Variants in CPQ observed in about 807,000 individuals in gnomAD.
CPQ encodes the protein carboxypeptidase Q.
Under a neutral mutation model 45.7 loss-of-function variants are expected in CPQ, and 37 were observed. The observed-to-expected ratio is 0.81, with a 90% CI of 0.62 to 1.07. The LOEUF (loss-of-function observed/expected upper bound fraction) is 1.07, where lower values mean the gene tolerates loss of function less well. Among genes scored for constraint, CPQ ranks in the 50% least tolerant of loss-of-function variants. The probability of loss-of-function intolerance (pLI) is 0.00; values close to 1 mark genes in which losing one functional copy is unlikely to be tolerated. For missense variants in CPQ, 537 were observed against 572.9 expected, an observed-to-expected ratio of 0.94 and a Z score of 0.64; for synonymous variants, 186 against 205.8, an observed-to-expected ratio of 0.90 and a Z score of 0.82.
intron 5 of CPQ, among the ~76,000 whole-genome samples, chr8:97,003,356 T>TTG (rs1809319058): frequency 6.6e-6 from 1 of 152,208 alleles, no homozygotes; most frequent in Non-Finnish European, 1.5e-5. Flanking sequence ...GTGTCACTGG[T>TTG]CTGTGTATTT....
At chr8:97,116,991 T>C (rs1811605943) in intron 7 of CPQ, among the ~76,000 whole-genome samples, 1 of 152,236 alleles carries the variant, frequency 6.6e-6, no homozygotes, top group Admixed American at 6.5e-5. Flanking sequence ...TGCCTTCAGC[T>C]AAGTGCTTTC....
At chr8:96,906,812 T>C (rs904668218) in intron 4 of CPQ, among the ~76,000 whole-genome samples, 1 of 152,144 alleles carries the variant, frequency 6.6e-6, no homozygotes, top group Non-Finnish European at 1.5e-5. Flanking sequence ...CTGCTTCCTG[T>C]CACATCACAT....
chr8:97,133,432 C>T (rs1384548278), intron 7 of CPQ: 1 of 152,090 alleles, frequency 6.6e-6, no homozygotes, highest in African/African-American at 2.4e-5. Flanking sequence ...TTGCAAGAAG[C>T]ATATGAACGT....
chr8:96,837,278 A>G (rs1811542601), intron 3 of CPQ, among the ~76,000 whole-genome samples: 1 of 152,198 alleles, frequency 6.6e-6, no homozygotes, highest in Non-Finnish European at 1.5e-5. Context: ...TCCTACCTCT[A>G]ATTCCTCACC....
At chr8:96,652,012 T>C (rs1346308956) in intron 1 of CPQ, among the ~76,000 whole-genome samples, 1 of 152,210 alleles carries the variant, frequency 6.6e-6, no homozygotes, top group Non-Finnish European at 1.5e-5. Context: ...TCTTAGCAAT[T>C]TTGAAATATA....
intron 2 of CPQ, among the ~76,000 whole-genome samples, chr8:96,790,230 G>C (rs1586401958): frequency 6.6e-6 from 1 of 152,104 alleles, no homozygotes; most frequent in East Asian, 1.9e-4. Context: ...GAACATTCGT[G>C]CTACTGCAAG....
intron 1 of CPQ, among the ~76,000 whole-genome samples, chr8:96,744,627 C>A (rs1446443361): frequency 1.3e-5 from 2 of 151,974 alleles, no homozygotes; most frequent in Non-Finnish European, 2.9e-5. Flanking sequence ...TAAAACTGTA[C>A]CAGTTTTTAA....
intron 7 of CPQ, among the ~76,000 whole-genome samples, chr8:97,095,013 A>T (rs1811187307): frequency 6.6e-6 from 1 of 150,568 alleles, no homozygotes; most frequent in African/African-American, 2.4e-5. Flanking sequence ...ACATCTTGAA[A>T]CTCTGTATGT....
chr8:96,699,704 T>G (rs930304376), intron 1 of CPQ, among the ~76,000 whole-genome samples: 2 of 152,016 alleles, frequency 1.3e-5, no homozygotes, highest in African/African-American at 2.4e-5. Flanking sequence ...AAACAAATTT[T>G]GAAACATATG....
intron 4 of CPQ, among the ~76,000 whole-genome samples, chr8:96,893,901 C>T (rs1812409339): frequency 6.6e-6 from 1 of 152,110 alleles, no homozygotes; most frequent in Non-Finnish European, 1.5e-5. Flanking sequence ...GAGCCGAATT[C>T]TCTTCCCCTG....
chr8:96,948,211 A>T (rs971217689), intron 4 of CPQ, among the ~76,000 whole-genome samples: 2 of 152,140 alleles, frequency 1.3e-5, no homozygotes, highest in African/African-American at 4.8e-5. Context: ...CTCTGTAAGC[A>T]GTGAGTGGCC....
chr8:96,661,200 A>G (rs937136361), intron 1 of CPQ, among the ~76,000 whole-genome samples: 2 of 152,216 alleles, frequency 1.3e-5, no homozygotes, highest in South Asian at 4.1e-4. Context: ...ACTTTTTTTT[A>G]AAAAAGACTT....
chr8:96,863,749 C>G (rs1376500407), intron 3 of CPQ, among the ~76,000 whole-genome samples: 1 of 152,006 alleles, frequency 6.6e-6, no homozygotes, highest in Non-Finnish European at 1.5e-5. Flanking sequence ...CTAGGCTCTT[C>G]TCAGGTGAGT....
rs1018196009 is a variant in CPQ at position 96,875,661 on chromosome 8, T to A, written c.642-4137T>A. On this transcript the variant is annotated intron_variant, in intron 3 of 7. Transcript: ENST00000220763. ...TCTACTCTATTGGTTTATGTATCTA[T>A]CCTTATACCAGTACCATGCTATCTT... Among the ~76,000 whole-genome samples, 6 of 151,982 alleles carry A rather than the reference T, an allele frequency of 3.9e-5. No homozygotes were observed. In the South Asian group the frequency reaches 1.0e-3, roughly 26 times the overall value.
intron 1 of CPQ, among the ~76,000 whole-genome samples, chr8:96,716,510 CCACTATAT>C (rs1261437142): frequency 1.3e-5 from 2 of 152,252 alleles, no homozygotes; most frequent in East Asian, 3.9e-4. Context: ...TTCCCAAAGT[CCACTATAT>C]CACTCTTAGG....
intron 6 of CPQ, among the ~76,000 whole-genome samples, chr8:97,053,274 A>C (rs1810392842): frequency 6.6e-6 from 1 of 152,228 alleles, no homozygotes; most frequent in Non-Finnish European, 1.5e-5. Context: ...CATTCTAGTG[A>C]ATCAAGACTG....
intron 1 of CPQ, among the ~76,000 whole-genome samples, chr8:96,651,834 G>A (rs1427842510): frequency 6.6e-6 from 1 of 151,838 alleles, no homozygotes; most frequent in Non-Finnish European, 1.5e-5. Flanking sequence ...TTATTTTACT[G>A]TAAATTGGCA....
chr8:97,056,806 T>C (rs1170466871), intron 6 of CPQ, among the ~76,000 whole-genome samples: 2 of 152,230 alleles, frequency 1.3e-5, no homozygotes, highest in Non-Finnish European at 2.9e-5. Flanking sequence ...GAGAATATGC[T>C]GATGAACTAA....
chr8:96,740,790 G>GTC (rs2130778167), intron 1 of CPQ, among the ~76,000 whole-genome samples: 1 of 152,286 alleles, frequency 6.6e-6, no homozygotes, highest in African/African-American at 2.4e-5. Context: ...TATTGAACCA[G>GTC]TCTTGCATCC....
Sources: gnomAD v4.1 joint callset for allele counts (sites outside exome capture counted in the v4.1 genomes callset) on GRCh38, gnomAD v4.1.1 for gene constraint, MANE v1.5 for transcripts, NCBI Gene and HGNC (gene_info 2026-07-23, HGNC 2026-07-21) for gene names.